TRIO: variants seen among roughly 807,000 people sequenced by gnomAD.
The protein encoded by TRIO is triple functional domain protein.
Under a neutral mutation model 351.9 loss-of-function variants are expected in TRIO, and 58 were observed. The ratio of observed to expected loss-of-function variants is 0.16; its 90% confidence interval spans 0.13 to 0.21. TRIO has a LOEUF of 0.21. TRIO is among the 10% of genes least tolerant of loss of function. The pLI is 1.00. For synonymous variants in TRIO, 1,758 were observed against 1,595.7 expected (o/e 1.10, Z -2.42); for missense variants, 3,201 against 4,027.8 (o/e 0.79, Z 5.56).
intron 37 of TRIO, among the ~76,000 whole-genome samples, chr5:14,467,317 C>G (rs953416261): frequency 6.6e-6 from 1 of 152,140 alleles, no homozygotes; most frequent in African/African-American, 2.4e-5. Flanking sequence ...TTCCTTCATC[C>G]ACAGACAACC....
chr5:14,507,736 G>C, intron 56 of TRIO, 144 bp from the exon 57 acceptor site: 2 of 1,017,678 alleles, frequency 2.0e-6, no homozygotes, highest in South Asian at 1.7e-5. Flanking sequence ...TGCCAGCTGA[G>C]TGGTCCGGCC....
rs141121835 is a variant in TRIO at position 14,299,483 on chromosome 5, C to T, written c.1368+2220C>T. On this transcript the variant is annotated intron_variant, in intron 7 of 56. Transcript: ENST00000344204. ...GAAATGCACAGATGGGAGATTAGGA[C>T]GTCTTCAGAAAGACAGTCCTTACTT... Among the ~76,000 whole-genome samples, 110 of 152,236 alleles carry T rather than the reference C, an allele frequency of 7.2e-4. 1 individual carries two copies. Among genetic ancestry groups the T allele is most frequent in the East Asian group, 1.5e-3 (8 of 5,180 alleles).
At chr5:14,405,403 G>A (rs1053874803) in intron 31 of TRIO, among the ~76,000 whole-genome samples, 4 of 152,216 alleles carry the variant, frequency 2.6e-5, no homozygotes, top group African/African-American at 9.6e-5. Flanking sequence ...TGGCAGCTGC[G>A]CCGCTGTTCC....
intron 2 of TRIO, among the ~76,000 whole-genome samples, chr5:14,272,533 C>T (rs1051262246): frequency 1.3e-5 from 2 of 152,164 alleles, no homozygotes; most frequent in African/African-American, 4.8e-5. Flanking sequence ...GAAACAAAAT[C>T]GGCAGTCTTT....
chr5:14,495,891 C>T (rs1756860470), intron 49 of TRIO, among the ~76,000 whole-genome samples: 1 of 152,070 alleles, frequency 6.6e-6, no homozygotes, highest in Non-Finnish European at 1.5e-5. Context: ...TAGCTTGAAC[C>T]CACAAGGTGG....
intron 34 of TRIO, among the ~76,000 whole-genome samples, chr5:14,453,974 G>A (rs867548238): frequency 2.0e-5 from 3 of 151,900 alleles, no homozygotes; most frequent in Admixed American, 6.6e-5. Context: ...CACTCACCCA[G>A]ACTGGAGTGC....
At chr5:14,268,511 A>G (rs996773964) in intron 1 of TRIO, among the ~76,000 whole-genome samples, 2 of 152,102 alleles carry the variant, frequency 1.3e-5, no homozygotes, top group Non-Finnish European at 2.9e-5. Flanking sequence ...TGGTGGTGAC[A>G]TTTCTCTGTC....
At chr5:14,147,635 T>C (rs1428975873) in intron 1 of TRIO, among the ~76,000 whole-genome samples, 2 of 152,254 alleles carry the variant, frequency 1.3e-5, no homozygotes, top group African/African-American at 4.8e-5. Context: ...GCAGCCCCTG[T>C]CTTTCCAGGG....
intron 34 of TRIO, among the ~76,000 whole-genome samples, chr5:14,421,952 C>T (rs1561472267): frequency 6.6e-6 from 1 of 152,220 alleles, no homozygotes; most frequent in Non-Finnish European, 1.5e-5. Context: ...CCCCACAGTC[C>T]TCCCCCTTCT....
chr5:14,191,752 G>A (rs1790470712), intron 1 of TRIO, among the ~76,000 whole-genome samples: 1 of 152,174 alleles, frequency 6.6e-6, no homozygotes, highest in South Asian at 2.1e-4. Flanking sequence ...GTAAGCCACA[G>A]CCAGTCAGGA....
intron 7 of TRIO, among the ~76,000 whole-genome samples, chr5:14,298,624 C>T (rs1332479523): frequency 6.6e-6 from 1 of 152,130 alleles, no homozygotes; most frequent in South Asian, 2.1e-4. Flanking sequence ...TTTGGCAGGG[C>T]AGTCAGAATG....
At chr5:14,369,655 G>A in intron 18 of TRIO, 132 bp downstream of exon 18, 1 of 1,158,586 alleles carries the variant, frequency 8.6e-7, no homozygotes. Context: ...ACGGGGCAGT[G>A]TCGCATCAGT....
intron 1 of TRIO, among the ~76,000 whole-genome samples, chr5:14,144,305 C>T (rs1037751034): frequency 3.3e-5 from 5 of 152,144 alleles, no homozygotes; most frequent in Non-Finnish European, 5.9e-5. Context: ...TGAGCCGGGG[C>T]CGGTCCGGGA....
Position 14,419,864 on chromosome 5 carries a change from C to T in TRIO, c.5046C>T (p.Thr1682=), listed in dbSNP as rs368532698. Residue 1682 remains threonine, a synonymous_variant, in exon 34 of 57, where the codon ACC becomes ACT. Coordinates refer to ENST00000344204, the MANE Select transcript of TRIO (RefSeq NM_007118.4). The part of the protein sequence containing the change: ...SNELTIRRGQ[T]VEVLERPHDK... ...AGCTGACCATCCGACGGGGCCAGAC[C>T]GTGGAAGTTCTGGAGCGGCCGCATG... The T allele has an allele frequency of 2.6e-5, 42 of 1,614,192 alleles. 1 individual carries two copies. The Middle Eastern group carries it at 4.9e-4, about 19-fold the overall frequency.
At chr5:14,446,624 T>C (rs1161097543) in intron 34 of TRIO, among the ~76,000 whole-genome samples, 3 of 152,182 alleles carry the variant, frequency 2.0e-5, no homozygotes, top group Non-Finnish European at 4.4e-5. Context: ...GGGGGCGCTT[T>C]ACCTCCTCCA....
intron 11 of TRIO, among the ~76,000 whole-genome samples, chr5:14,338,344 T>C (rs1741619614): frequency 6.6e-6 from 1 of 152,204 alleles, no homozygotes; most frequent in Non-Finnish European, 1.5e-5. Context: ...TGTCTTGTGC[T>C]GTGTCCTCCT....
intron 31 of TRIO, among the ~76,000 whole-genome samples, chr5:14,401,704 A>G (rs113679299): frequency 0.021 from 3,261 of 152,270 alleles, 96 homozygotes; most frequent in African/African-American, 0.074. Flanking sequence ...CTCTCCTGGG[A>G]ATGGTCAAGA....
At chr5:14,492,911 A>G in intron 49 of TRIO, 97 bp downstream of exon 49, 6 of 1,531,926 alleles carry the variant, frequency 3.9e-6, no homozygotes, top group Non-Finnish European at 5.3e-6. Flanking sequence ...AGCATGTGGA[A>G]GGGAGATCTG....
chr5:14,390,811 G>A lies in TRIO; in HGVS notation c.4129-90G>A, dbSNP rs558775376. The A allele has an allele frequency of 9.3e-5, 98 of 1,055,120 alleles. 1 individual carries two copies. The highest frequency in any genetic ancestry group is 7.3e-4 in the South Asian group (39 of 53,740). 65.4% of individuals were successfully genotyped at this position (1,055,120 alleles called of 1,614,324 possible). A position where few individuals can be genotyped will look rare whatever the true frequency, so the allele number is the denominator to read the frequency against. ...TCTTCAACTCGAGGCTTAAATTTCCGTTATCCATACTGCTTCTTTTCTATA... is the reference window on the plus strand; with the variant it reads ...TCTTCAACTCGAGGCTTAAATTTCCATTATCCATACTGCTTCTTTTCTATA... On this transcript the variant is annotated intron_variant, in intron 26 of 56. Coordinates refer to ENST00000344204, the MANE Select transcript of TRIO (RefSeq NM_007118.4).
Sources: gnomAD v4.1 joint callset for allele counts (sites outside exome capture counted in the v4.1 genomes callset) on GRCh38, gnomAD v4.1.1 for gene constraint, MANE v1.5 for transcripts, NCBI Gene and HGNC (gene_info 2026-07-23, HGNC 2026-07-21) for gene names.